WDFY3: variants seen among roughly 807,000 people sequenced by gnomAD.
WDFY3 encodes the protein WD repeat and FYVE domain containing 3.
In WDFY3, 66 loss-of-function variants were observed where a neutral mutation model predicts 409.6. The ratio of observed to expected loss-of-function variants is 0.16; its 90% CI spans 0.13 to 0.20. The LOEUF (loss-of-function observed/expected upper bound fraction) is 0.20, where lower values mean the gene tolerates loss of function less well. Ranked by LOEUF, WDFY3 falls within the 10% of genes least tolerant of loss-of-function variation. WDFY3 has a pLI of 1.00. For missense variants in WDFY3, 3,031 were observed against 4,298.1 expected (o/e 0.71, Z 8.24); for synonymous variants, 1,521 against 1,537.1 (o/e 0.99, Z 0.25).
intron 32 of WDFY3, among the ~76,000 whole-genome samples, chr4:84,764,735 G>A (rs936735396): frequency 1.2e-4 from 18 of 151,904 alleles, no homozygotes; most frequent in Non-Finnish European, 1.6e-4. Flanking sequence ...CGGGCGTGGT[G>A]GCAGGCGCCT....
At position 84,786,041 on chromosome 4, in the gene WDFY3, G is replaced by C. The variant is rs777174110; in HGVS notation, c.4000C>G (p.Leu1334Val). ...ACTTTCCGGATTCTTGCCACTGTTA[G>C]AGACGACACAGAGAGTGCATAGAGG... Reference protein sequence around the residue: ...FGLYALSVSSLTVARIRKVYN... With the variant: ...FGLYALSVSSVTVARIRKVYN... The change falls in exon 24 of 68, where the codon CTA (leucine) becomes GTA (valine). Residue 1334 changes from leucine (L) to valine (V), a missense_variant. Transcript: ENST00000295888. 1.4e-5 allele frequency: 23 copies of C among 1,613,778 alleles called. No homozygotes were observed. Among genetic ancestry groups the C allele is most frequent in the Admixed American group, 1.2e-4 (7 of 59,928 alleles).
chr4:84,797,918 A>C, intron 18 of WDFY3, 78 bp downstream of exon 18: 1 of 1,338,590 alleles, frequency 7.5e-7, no homozygotes, highest in Non-Finnish European at 1.0e-6. Flanking sequence ...TGCTTTCACA[A>C]ACTTCTTGAA....
At chr4:84,956,319 A>G (rs1190438152) in intron 1 of WDFY3, among the ~76,000 whole-genome samples, 2 of 152,198 alleles carry the variant, frequency 1.3e-5, no homozygotes. Flanking sequence ...GAAAGAATCC[A>G]TGTCAGAACT....
intron 3 of WDFY3, among the ~76,000 whole-genome samples, chr4:84,868,589 A>G (rs1217938947): frequency 6.6e-6 from 1 of 152,200 alleles, no homozygotes; most frequent in Non-Finnish European, 1.5e-5. Context: ...AGATTTATTT[A>G]AACATTTTTT....
At chr4:84,850,533 T>A (rs1758763881) in intron 4 of WDFY3, among the ~76,000 whole-genome samples, 1 of 152,134 alleles carries the variant, frequency 6.6e-6, no homozygotes, top group Non-Finnish European at 1.5e-5. Context: ...GCCTGGCTAG[T>A]CTTGAACTCC....
intron 1 of WDFY3, among the ~76,000 whole-genome samples, chr4:84,949,815 T>C (rs1426797669): frequency 6.6e-6 from 1 of 152,100 alleles, no homozygotes; most frequent in African/African-American, 2.4e-5. Flanking sequence ...AGGACAAAAG[T>C]AAATATATTT....
chr4:84,819,956 AC>A, intron 12 of WDFY3, 128 bp downstream of exon 12: 1 of 744,692 alleles, frequency 1.3e-6, no homozygotes, highest in Non-Finnish European at 2.1e-6. Context: ...TAGGGACATG[AC>A]GGGTACCATC....
intron 22 of WDFY3, among the ~76,000 whole-genome samples, 155 bp from the exon 23 acceptor site, chr4:84,787,868 T>C (rs1328295265): frequency 6.6e-6 from 1 of 152,210 alleles, no homozygotes; most frequent in Non-Finnish European, 1.5e-5. Flanking sequence ...CAAGGCACGA[T>C]ACTGGGATCT....
intron 63 of WDFY3, chr4:84,682,975 C>T (rs781031609): frequency 1.9e-5 from 3 of 154,246 alleles, no homozygotes; most frequent in Non-Finnish European, 4.3e-5. Context: ...GAGCAACTCA[C>T]TCTGTCTCAA....
rs958750330 is a variant in WDFY3 at position 84,677,323 on chromosome 4, G to A, written c.10333C>T (p.Arg3445Cys). ...FSWSVSDQPG[R>C]SAADHWVKDE... ...TTCACCCAGTGATCAGCAGCAGAAC[G>A]GCCTGGCTGGTCACTCACAGACCAG... Residue 3445 changes from arginine to cysteine, a missense_variant, in exon 67 of 68, where the codon CGT (arginine) becomes TGT (cysteine). Arg to Cys is a radical substitution (Grantham distance 180). Around this residue, in one of 16 missense-constraint regions of WDFY3, gnomAD observed 378 missense variants for 477.3 expected, o/e 0.79. Coordinates refer to ENST00000295888, the MANE Select transcript of WDFY3 (RefSeq NM_014991.6). 2 of 1,614,044 alleles carry A rather than the reference G, an allele frequency of 1.2e-6. No individual in the cohort carries two copies. Among genetic ancestry groups the A allele is most frequent in the African/African-American group, 1.3e-5 (1 of 74,918 alleles).
At chr4:84,731,168 T>C (rs1471603191) in intron 44 of WDFY3, among the ~76,000 whole-genome samples, 1 of 152,214 alleles carries the variant, frequency 6.6e-6, no homozygotes, top group Non-Finnish European at 1.5e-5. Context: ...CTGGGCCATA[T>C]GTGACCTGTG....
At chr4:84,882,289 T>C (rs557622485) in intron 3 of WDFY3, among the ~76,000 whole-genome samples, 1 of 152,234 alleles carries the variant, frequency 6.6e-6, no homozygotes, top group Admixed American at 6.5e-5. Context: ...ATGGAGAGTA[T>C]CTCCAATAAG....
intron 2 of WDFY3, among the ~76,000 whole-genome samples, chr4:84,909,918 T>G (rs184158721): frequency 6.6e-6 from 1 of 152,186 alleles, no homozygotes; most frequent in African/African-American, 2.4e-5. Flanking sequence ...TCCATAAGTA[T>G]TCATAATAAA....
intron 62 of WDFY3, among the ~76,000 whole-genome samples, chr4:84,684,388 C>T (rs1418845011): frequency 1.3e-5 from 2 of 152,196 alleles, no homozygotes; most frequent in Admixed American, 1.3e-4. Context: ...GTCCACGTCC[C>T]TGGCACACTG....
At chr4:84,886,109 C>T (rs565130790) in intron 3 of WDFY3, among the ~76,000 whole-genome samples, 1 of 152,182 alleles carries the variant, frequency 6.6e-6, no homozygotes, top group African/African-American at 2.4e-5. Context: ...ATTAAAAATA[C>T]ATGGACAGAA....
chr4:84,930,844 A>G (rs1402601899), intron 2 of WDFY3, among the ~76,000 whole-genome samples: 3 of 152,192 alleles, frequency 2.0e-5, no homozygotes, highest in African/African-American at 7.2e-5. Flanking sequence ...AATAACATGG[A>G]TATAACTTTA....
chr4:84,804,647 C>T (rs971934775), intron 15 of WDFY3, among the ~76,000 whole-genome samples: 1 of 152,146 alleles, frequency 6.6e-6, no homozygotes, highest in Non-Finnish European at 1.5e-5. Context: ...GTATTACCAA[C>T]AGTTATCCTC....
chr4:84,964,019 A>C (rs1318085941), intron 1 of WDFY3, among the ~76,000 whole-genome samples: 1 of 152,216 alleles, frequency 6.6e-6, no homozygotes, highest in Admixed American at 6.5e-5. Context: ...GTATTCTTTA[A>C]TTTTATATCT....
At position 84,753,618 on chromosome 4, in the gene WDFY3, T is replaced by C. The variant is rs1297415196; in HGVS notation, c.5739+79A>G. The C allele has an allele frequency of 1.1e-5, 16 of 1,408,648 alleles. No homozygotes were observed. The South Asian group carries it at 2.4e-4, about 21-fold the overall frequency. The allele number at this position is 1,408,648 out of a possible 1,614,324, so 87.3% of individuals were successfully genotyped here. On this transcript the variant is annotated intron_variant, in intron 35 of 67. Coordinates refer to ENST00000295888, the MANE Select transcript of WDFY3 (RefSeq NM_014991.6). ...AAACTTAAAAGACTGTCAAAAAAAA[T>C]CTGCTAACCATTGAAACAGACTAAT...
Sources: gnomAD v4.1 joint callset for allele counts (sites outside exome capture counted in the v4.1 genomes callset) on GRCh38, gnomAD v4.1.1 for gene constraint, gnomAD v4.1.1 regional missense constraint, MANE v1.5 for transcripts, NCBI Gene and HGNC (gene_info 2026-07-23, HGNC 2026-07-21) for gene names.